MEF2A: variants seen among roughly 807,000 people sequenced by gnomAD.
MEF2A encodes myocyte enhancer factor 2A.
Under a neutral mutation model 55.8 loss-of-function variants are expected in MEF2A, and 28 were observed. The observed-to-expected ratio is 0.50, with a 90% CI of 0.37 to 0.69. MEF2A has a LOEUF of 0.69. Ranked by LOEUF, MEF2A falls within the 30% of genes least tolerant of loss-of-function variation. The pLI, the probability that MEF2A is intolerant of heterozygous loss-of-function variation, is 0.00. For synonymous variants in MEF2A, 239 were observed against 227.1 expected, an observed-to-expected ratio of 1.05 and a Z score of -0.47; for missense variants, 528 against 626.2, an observed-to-expected ratio of 0.84 and a Z score of 1.67.
intron 4 of MEF2A, among the ~76,000 whole-genome samples, chr15:99,661,280 A>G (rs774486636): frequency 3.9e-4 from 60 of 152,302 alleles, no homozygotes; most frequent in Admixed American, 1.8e-3. Context: ...GCAGGATAAT[A>G]TAGGAGAATA....
chr15:99,615,840 A>C (rs2040096819), intron 2 of MEF2A, among the ~76,000 whole-genome samples: 2 of 152,264 alleles, frequency 1.3e-5, no homozygotes, highest in Non-Finnish European at 2.9e-5. Context: ...TCTCTTATTT[A>C]CATCAACATT....
intron 1 of MEF2A, among the ~76,000 whole-genome samples, chr15:99,592,821 C>A (rs1969800987): frequency 6.6e-6 from 1 of 152,134 alleles, no homozygotes; most frequent in Non-Finnish European, 1.5e-5. Flanking sequence ...CCAAACACCT[C>A]TCACCAAGTC....
intron 3 of MEF2A, among the ~76,000 whole-genome samples, chr15:99,636,260 A>G (rs1269424198): frequency 1.3e-5 from 2 of 151,948 alleles, no homozygotes; most frequent in Non-Finnish European, 2.9e-5. Flanking sequence ...ATTAATATGC[A>G]TTCTATATAA....
At chr15:99,599,862 T>G (rs140691310) in intron 2 of MEF2A, among the ~76,000 whole-genome samples, 1 of 152,146 alleles carries the variant, frequency 6.6e-6, no homozygotes, top group African/African-American at 2.4e-5. Context: ...TTCAAAACAA[T>G]AAAAAATAAT....
rs777007733 is a variant in MEF2A, at chr15:99,672,755, A to T, written c.390+1301A>T. Among the ~76,000 whole-genome samples the T allele has an allele frequency of 4.8e-4, 73 of 152,318 alleles. 2 individuals are homozygous for T. Among genetic ancestry groups the T allele is most frequent in the Non-Finnish European group, 1.0e-3 (68 of 68,010 alleles). ...TCTTGGGGATGGGACCCAAGTCTAA[A>T]CATTAAATTTATTAATGTTTCATAC... On this transcript the variant is annotated intron_variant, in intron 5 of 11. Transcript: ENST00000557942.
At chr15:99,662,770 G>T (rs143331976) in intron 4 of MEF2A, among the ~76,000 whole-genome samples, 2 of 152,102 alleles carry the variant, frequency 1.3e-5, no homozygotes, top group Admixed American at 6.5e-5. Flanking sequence ...GAGCCACCGC[G>T]CCCGGCCCAA....
At chr15:99,683,589 T>C (rs953674071) in intron 7 of MEF2A, among the ~76,000 whole-genome samples, 2 of 151,890 alleles carry the variant, frequency 1.3e-5, no homozygotes, top group Non-Finnish European at 2.9e-5. Context: ...CATTTTTTTT[T>C]AGTGGGGTTT....
rs144741710 is a variant in MEF2A, at chr15:99,646,949, T to C, written c.258+1185T>C. On this transcript the variant is annotated intron_variant, in intron 4 of 11. Coordinates refer to ENST00000557942, the MANE Select transcript of MEF2A (RefSeq NM_001319206.4). ...GGACTCATCTCTGTTGCTTGACTTA[T>C]CCATAGTTTTATTTATGGGGCTCAC... is the stretch of plus-strand genomic sequence containing the variant. 3.2e-4 allele frequency among the ~76,000 whole-genome samples: 48 copies of C among 152,278 alleles called. No homozygotes were observed. The East Asian group carries it at 6.9e-3, about 22-fold the overall frequency.
At position 99,716,033 on chromosome 15, in the gene MEF2A, TAAGG is replaced by T. The variant is rs1172812156; in HGVS notation, c.*3266_*3269del. 1.9e-5 allele frequency: 3 copies of T among 156,170 alleles called. No individual in the cohort carries two copies. Among genetic ancestry groups the T allele is most frequent in the Non-Finnish European group, 4.3e-5 (3 of 70,530 alleles). 9.7% of individuals were successfully genotyped at this position (156,170 alleles called of 1,614,324 possible). Reference sequence around the variant, plus strand: ...ATGCGCACAAGAAATACATAGTAAATAAGGAAGCTGAAAACTCCTGGCATTGGAT... The same window carrying T: ...ATGCGCACAAGAAATACATAGTAAATAAGCTGAAAACTCCTGGCATTGGAT... On this transcript the variant is annotated 3_prime_UTR_variant, in exon 12 of 12. Transcript: ENST00000557942.
chr15:99,593,301 A>G (rs187825680), intron 1 of MEF2A, among the ~76,000 whole-genome samples: 234 of 152,256 alleles, frequency 1.5e-3, no homozygotes, highest in African/African-American at 5.4e-3. Flanking sequence ...CTGACTGTGC[A>G]TCCAAGCATT....
chr15:99,688,597 A>G (rs1185524173), intron 7 of MEF2A, among the ~76,000 whole-genome samples: 1 of 152,054 alleles, frequency 6.6e-6, no homozygotes, highest in Non-Finnish European at 1.5e-5. Flanking sequence ...CTCTGGTAAT[A>G]CCACAAAAAA....
chr15:99,709,377 G>A (rs935246136), intron 10 of MEF2A, among the ~76,000 whole-genome samples: 10 of 152,338 alleles, frequency 6.6e-5, no homozygotes, highest in East Asian at 1.9e-4. Flanking sequence ...GATGTGTGGC[G>A]TTTGGAGTGG....
chr15:99,620,534 CTG>C (rs1053041159), intron 2 of MEF2A, among the ~76,000 whole-genome samples: 20 of 152,306 alleles, frequency 1.3e-4, no homozygotes, highest in African/African-American at 4.8e-4. Context: ...CTTTTTATGA[CTG>C]TGTAGTGTTC....
chr15:99,597,885 T>C (rs894328410), intron 1 of MEF2A, among the ~76,000 whole-genome samples: 1 of 152,248 alleles, frequency 6.6e-6, no homozygotes. Flanking sequence ...TATTCATTTT[T>C]GTAGTTTTGT....
chr15:99,686,395 T>C (rs573385648), intron 7 of MEF2A, among the ~76,000 whole-genome samples: 45 of 152,320 alleles, frequency 3.0e-4, no homozygotes, highest in Non-Finnish European at 5.6e-4. Flanking sequence ...TTTTAGCATT[T>C]CTTGGTTGTG....
intron 2 of MEF2A, among the ~76,000 whole-genome samples, chr15:99,630,899 C>A (rs545662960): frequency 6.6e-5 from 10 of 152,264 alleles, no homozygotes; most frequent in African/African-American, 2.4e-4. Flanking sequence ...GTATGTCCGC[C>A]CACAGGTCTC....
At chr15:99,571,406 A>G (rs565687108) in intron 1 of MEF2A, among the ~76,000 whole-genome samples, 2 of 152,298 alleles carry the variant, frequency 1.3e-5, no homozygotes, top group East Asian at 1.9e-4. Context: ...TGCCTGGTAT[A>G]TAACCTGCAT....
Position 99,712,498 on chromosome 15 carries a change from G to C in MEF2A, c.1245G>C (p.Ser415=), listed in dbSNP as rs3730059. The C allele has an allele frequency of 2.6e-6, 4 of 1,544,884 alleles. 1 individual carries two copies. The South Asian group carries it at 4.8e-5, about 18-fold the overall frequency. The change falls in exon 12 of 12, where the codon TCG becomes TCC. Residue 415 remains serine, a synonymous_variant. Transcript: ENST00000557942. This position sits in a 1 kb window ranked among gnomAD's most constrained non-coding sequence, Gnocchi z 4.1. ...CTCCTCGGGATCGTATGACCCCATC[G>C]GGCTTCCAGCAGCAGCAGCAGCAGC... The part of the protein sequence containing the change: ...ISPPRDRMTP[S]GFQQQQQQQQ...
upstream of MEF2A, chr15:99,565,572 A>G (rs1189045023): frequency 6.6e-6 from 1 of 151,418 alleles, no homozygotes; most frequent in Non-Finnish European, 1.5e-5. Flanking sequence ...TCATCAAGTG[A>G]CCAGTATCCC....
Sources: gnomAD v4.1 joint callset for allele counts (sites outside exome capture counted in the v4.1 genomes callset) on GRCh38, gnomAD v4.1.1 for gene constraint, Gnocchi (gnomAD v3.1) non-coding constraint, MANE v1.5 for transcripts, NCBI Gene and HGNC (gene_info 2026-07-23, HGNC 2026-07-21) for gene names.